Variants in ACTR3 observed in about 807,000 individuals in gnomAD.
ACTR3 encodes the protein actin-related protein 3.
Under a neutral mutation model 56.8 loss-of-function variants are expected in ACTR3, and 12 were observed. The observed-to-expected ratio is 0.21, with a 90% confidence interval of 0.14 to 0.34. ACTR3 has a LOEUF of 0.34. Among genes scored for constraint, ACTR3 ranks in the 10% least tolerant of loss-of-function variants. The pLI is 1.00. For missense variants in ACTR3, 282 were observed against 512.5 expected (o/e 0.55, Z 4.34); for synonymous variants, 162 against 167.4 (o/e 0.97, Z 0.25).
intron 3 of ACTR3, among the ~76,000 whole-genome samples, chr2:113,925,899 T>C (rs1219155073): frequency 6.6e-6 from 1 of 152,242 alleles, no homozygotes; most frequent in Non-Finnish European, 1.5e-5. Context: ...TTCATGGAAT[T>C]ATATTCTGTT....
chr2:113,934,638 G>A (rs930412700), intron 6 of ACTR3: 4 of 254,786 alleles, frequency 1.6e-5, no homozygotes, highest in African/African-American at 9.1e-5. Flanking sequence ...GTATATTAAT[G>A]GCTTTCATTC....
chr2:113,953,710 G>A (rs1399103330), intron 10 of ACTR3: 2 of 151,916 alleles, frequency 1.3e-5, no homozygotes, highest in East Asian at 1.9e-4. Context: ...ACACTAAATT[G>A]TAGATATGAT....
At position 113,931,692 on chromosome 2, in the gene ACTR3, A is replaced by G. The variant is rs548215970; in HGVS notation, c.432+296A>G. 3.9e-5 allele frequency among the ~76,000 whole-genome samples: 6 copies of G among 152,246 alleles called. No homozygotes were observed. The East Asian group carries it at 1.2e-3, about 29-fold the overall frequency. ...ATGGAATGCTTTCTCTGTGACAAGA[A>G]CATTGTATATATATTTATCCTTGTA... is the stretch of plus-strand genomic sequence containing the variant. On this transcript the variant is annotated intron_variant, in intron 5 of 11. Coordinates refer to ENST00000263238, the MANE Select transcript of ACTR3 (RefSeq NM_005721.5).
At position 113,951,985 on chromosome 2, in the gene ACTR3, G is replaced by C; in HGVS notation, c.1077+140G>C. ...TCTAATGGAAATGGTTAATGTTATA[G>C]ATTTATGTCTGTGATATTCTGGATC... On this transcript the variant is annotated intron_variant, in intron 10 of 11. Transcript: ENST00000263238. The C allele has an allele frequency of 2.8e-6, 3 of 1,072,070 alleles. No homozygotes were observed. The East Asian group carries it at 7.6e-5, about 27-fold the overall frequency. 66.4% of individuals were successfully genotyped at this position (1,072,070 alleles called of 1,614,324 possible). A position where few individuals can be genotyped will look rare whatever the true frequency, so the allele number is the denominator to read the frequency against.
chr2:113,907,048 A>G (rs1464111609), intron 1 of ACTR3, among the ~76,000 whole-genome samples: 1 of 152,186 alleles, frequency 6.6e-6, no homozygotes, highest in East Asian at 1.9e-4. Flanking sequence ...TAGCTTTCAG[A>G]TATGAAAGTT....
intron 4 of ACTR3, among the ~76,000 whole-genome samples, chr2:113,929,627 C>G (rs1032173913): frequency 1.3e-5 from 2 of 152,106 alleles, no homozygotes; most frequent in South Asian, 2.1e-4. Context: ...TGCACACCCC[C>G]CAGTGATGCA....
Position 113,940,103 on chromosome 2 carries a change from G to A in ACTR3, c.684+1G>A. The A allele has an allele frequency of 6.2e-7, 1 of 1,609,708 alleles. No homozygotes were observed. Among genetic ancestry groups the A allele is most frequent in the Non-Finnish European group, 8.5e-7 (1 of 1,178,534 alleles). On this transcript the variant is annotated splice_donor_variant, in intron 7 of 11. Transcript: ENST00000263238. LOFTEE classifies it high-confidence loss of function. ...CTTGGAAACTGCTAAGGCAGTAAAG[G>A]TAAAAAGTGTGATAGGAGTGTAATT...
intron 6 of ACTR3, among the ~76,000 whole-genome samples, chr2:113,939,033 T>C (rs563061217): frequency 2.6e-5 from 4 of 152,126 alleles, no homozygotes; most frequent in Admixed American, 1.3e-4. Flanking sequence ...TTCTTTCTTT[T>C]TTTTTTTTGA....
chr2:113,919,702 A>G (rs1679472274), intron 3 of ACTR3, among the ~76,000 whole-genome samples: 1 of 152,160 alleles, frequency 6.6e-6, no homozygotes, highest in South Asian at 2.1e-4. Context: ...TTTATCCCTT[A>G]TCTGCTGAAA....
At chr2:113,893,581 C>T (rs112481097) in intron 1 of ACTR3, among the ~76,000 whole-genome samples, 14,022 of 152,180 alleles carry the variant, frequency 0.092, 1,056 homozygotes, top group African/African-American at 0.2. Context: ...TGTGAGCCAC[C>T]GCGCCCAGCC....
chr2:113,901,233 G>A (rs1411419792), intron 1 of ACTR3, among the ~76,000 whole-genome samples: 1 of 152,184 alleles, frequency 6.6e-6, no homozygotes, highest in African/African-American at 2.4e-5. Context: ...CAGGAGAATT[G>A]CTTGAATCCA....
chr2:113,915,434 C>G (rs764716889), intron 2 of ACTR3, among the ~76,000 whole-genome samples: 5 of 152,210 alleles, frequency 3.3e-5, no homozygotes, highest in Non-Finnish European at 7.3e-5. Flanking sequence ...ACCTTGATAA[C>G]TTCGTTTTAA....
chr2:113,951,676 A>G (rs1159324796), intron 9 of ACTR3, 44 bp from the exon 10 acceptor site: 1 of 1,488,980 alleles, frequency 6.7e-7, no homozygotes, highest in Non-Finnish European at 9.1e-7. Flanking sequence ...TATATCTTTA[A>G]ACTTTTCTCT....
At chr2:113,906,011 C>A (rs925645613) in intron 1 of ACTR3, among the ~76,000 whole-genome samples, 5 of 152,120 alleles carry the variant, frequency 3.3e-5, no homozygotes, top group Non-Finnish European at 7.4e-5. Flanking sequence ...TGGGTATATA[C>A]CCAGAAGTGG....
chr2:113,956,108 T>G (rs1318002333), intron 11 of ACTR3, among the ~76,000 whole-genome samples: 1 of 151,902 alleles, frequency 6.6e-6, no homozygotes, highest in Non-Finnish European at 1.5e-5. Flanking sequence ...GCCAGGCTGG[T>G]CTCAAACTCT....
chr2:113,925,784 G>A (rs1439122547), intron 3 of ACTR3, among the ~76,000 whole-genome samples: 2 of 152,166 alleles, frequency 1.3e-5, no homozygotes, highest in African/African-American at 4.8e-5. Flanking sequence ...TTAAAAAGTA[G>A]TGTGGAAACT....
chr2:113,950,885 T>C (rs1348688806), intron 8 of ACTR3: 1 of 152,740 alleles, frequency 6.5e-6, no homozygotes, highest in Non-Finnish European at 1.5e-5. Context: ...CTCACAATCA[T>C]GGCAGAAGGC....
chr2:113,890,375 T>C, intron 1 of ACTR3, 52 bp downstream of exon 1: 1 of 272,302 alleles, frequency 3.7e-6, no homozygotes, highest in Non-Finnish European at 5.8e-6. Context: ...GGAAGGAAGA[T>C]GGCGGGGGAG....
Position 113,895,058 on chromosome 2 carries a change from T to A in ACTR3, c.44+4735T>A, listed in dbSNP as rs1481100767. Among the ~76,000 whole-genome samples, 3 of 100,140 alleles carry A rather than the reference T, an allele frequency of 3.0e-5. No individual in the cohort carries two copies. In the East Asian group the frequency reaches 1.2e-3, roughly 42 times the overall value. The allele number at this position is 100,140 out of a possible 152,430, so 65.7% of individuals were successfully genotyped here. On this transcript the variant is annotated intron_variant, in intron 1 of 11. Transcript: ENST00000263238. ...CTGTGTAATCTTTACTTGGTTTAGG[T>A]TCCCCCCCCCCACCCCCCTGCCGAT...
Sources: gnomAD v4.1 joint callset for allele counts (sites outside exome capture counted in the v4.1 genomes callset) on GRCh38, gnomAD v4.1.1 for gene constraint, MANE v1.5 for transcripts, NCBI Gene and HGNC (gene_info 2026-07-23, HGNC 2026-07-21) for gene names.